IFT172: variants seen among roughly 807,000 people sequenced by gnomAD.
IFT172 encodes intraflagellar transport protein 172 homolog.
A neutral mutation model predicts 248.9 loss-of-function variants in IFT172; 164 were observed. The ratio of observed to expected loss-of-function variants is 0.66; its 90% CI spans 0.58 to 0.75. The LOEUF (loss-of-function observed/expected upper bound fraction) is 0.75, where lower values mean the gene tolerates loss of function less well. Ranked by LOEUF, IFT172 falls within the 30% of genes least tolerant of loss-of-function variation. The probability of loss-of-function intolerance (pLI) is 0.00; values close to 1 mark genes in which losing one functional copy is unlikely to be tolerated. For synonymous variants in IFT172, 729 were observed against 791.6 expected, an observed-to-expected ratio of 0.92 and a Z score of 1.33; for missense variants, 1,950 against 2,192.4, an observed-to-expected ratio of 0.89 and a Z score of 2.21.
At chr2:27,488,508 G>A (rs1396494196) in intron 1 of IFT172, among the ~76,000 whole-genome samples, 2 of 152,070 alleles carry the variant, frequency 1.3e-5, no homozygotes, top group Non-Finnish European at 2.9e-5. Context: ...CTCCCACCTT[G>A]GCCTCCCAAA....
At chr2:27,476,594 T>C (rs752135995) in intron 14 of IFT172, 47 bp downstream of exon 14, 2 of 1,163,678 alleles carry the variant, frequency 1.7e-6, no homozygotes, top group Non-Finnish European at 2.6e-6. Context: ...GGAAGTGTGA[T>C]ATAAACATCT....
At chr2:27,468,693 C>T (rs1667309253) in intron 16 of IFT172, among the ~76,000 whole-genome samples, 1 of 151,216 alleles carries the variant, frequency 6.6e-6, no homozygotes, top group Admixed American at 6.6e-5. Context: ...ATTAAAAATA[C>T]AAAAAATTAG....
At chr2:27,451,305 T>C (rs749202137) in intron 35 of IFT172, among the ~76,000 whole-genome samples, 5 of 152,216 alleles carry the variant, frequency 3.3e-5, no homozygotes, top group Non-Finnish European at 7.3e-5. Context: ...AGGAAGCCAT[T>C]TTCTGACTAA....
rs771351250 is a variant in IFT172 at position 27,461,260 on chromosome 2, C to T, written c.2442+9G>A. On this transcript the variant is annotated intron_variant, in intron 22 of 47. Coordinates refer to ENST00000260570, the MANE Select transcript of IFT172 (RefSeq NM_015662.3). The stretch of plus-strand genomic sequence containing the variant: ...GGAGATAAGGGCTAGGAAAAGGAAG[C>T]CAGCATACCCTTTCGTAGAGTTCCC... The T allele has an allele frequency of 6.2e-7, 1 of 1,613,600 alleles. No individual in the cohort carries two copies.
chr2:27,484,360 G>A (rs1447085223), intron 3 of IFT172, 94 bp from the exon 4 acceptor site: 3 of 1,313,286 alleles, frequency 2.3e-6, no homozygotes, highest in African/African-American at 1.5e-5. Context: ...GGGAGGCCGA[G>A]GCGGGAGGAT....
rs775476765 is a variant in IFT172 at position 27,448,977 on chromosome 2, C to T, written c.4366G>A (p.Glu1456Lys). 2.5e-6 allele frequency: 4 copies of T among 1,612,740 alleles called. No homozygotes were observed. The African/African-American group carries it at 4.0e-5, about 16-fold the overall frequency. Residue 1456 changes from glutamate (E) to lysine (K), a missense_variant, in exon 40 of 48, where the codon GAG becomes AAG. Physicochemically the swap from Glu to Lys is moderately conservative, Grantham distance 56 (BLOSUM62 1). Around this residue, in one of 3 missense-constraint regions of IFT172, gnomAD observed 620 missense variants for 699.0 expected, o/e 0.89. Transcript: ENST00000260570. Reference protein sequence around the residue: ...VALYATHLIREGSSAQALALY... With the variant: ...VALYATHLIRKGSSAQALALY... The stretch of plus-strand genomic sequence containing the variant: ...GCCAATGCCTGGGCAGAGCTACCCT[C>T]CCGGATCAAGTGAGTTGCATACAAA...
chr2:27,456,431 CA>C, intron 30 of IFT172, 79 bp downstream of exon 30: 1 of 1,516,296 alleles, frequency 6.6e-7, no homozygotes. Context: ...ATCTTTCTTT[CA>C]GTTATACATC....
Position 27,451,624 on chromosome 2 carries a change from G to A in IFT172, c.3952-1528C>T, listed in dbSNP as rs1024489492. Among the ~76,000 whole-genome samples the A allele has an allele frequency of 3.3e-5, 5 of 152,092 alleles. No individual in the cohort carries two copies. The East Asian group carries it at 5.8e-4, about 18-fold the overall frequency. ...TAAAAAAATACAAAAAAATTAGCCC[G>A]GCATGATGGTGGGCACCTGTAGTCC... is the stretch of plus-strand genomic sequence containing the variant. On this transcript the variant is annotated intron_variant, in intron 35 of 47. Transcript: ENST00000260570.
chr2:27,468,159 C>CA (rs11284567), intron 16 of IFT172, among the ~76,000 whole-genome samples: 11,041 of 122,750 alleles, frequency 0.09, 532 homozygotes, highest in African/African-American at 0.16. Flanking sequence ...GACTCTGTCT[C>CA]AAAAAAAAAA....
chr2:27,447,973 A>T (rs1220243326), intron 40 of IFT172, 51 bp from the exon 41 acceptor site: 2 of 1,119,090 alleles, frequency 1.8e-6, no homozygotes, highest in African/African-American at 3.1e-5. Flanking sequence ...CTAGAAGAGA[A>T]AGTCACTGGA....
chr2:27,451,436 C>T (rs898051548), intron 35 of IFT172, among the ~76,000 whole-genome samples: 2 of 152,184 alleles, frequency 1.3e-5, no homozygotes, highest in Non-Finnish European at 2.9e-5. Flanking sequence ...CTTTCTACTT[C>T]TCTCCCTCTA....
Position 27,454,663 on chromosome 2 carries a change from G to A in IFT172, c.3372-3C>T, listed in dbSNP as rs150011917. On this transcript the variant is annotated splice_region_variant and splice_polypyrimidine_tract_variant and intron_variant, in intron 30 of 47. Transcript: ENST00000260570. The surrounding 1 kb of genome is among the most constrained non-coding windows in gnomAD (Gnocchi z 4.2). ...GTTCAAACGCAAATTCAAAGGAGCT[G>A]AAACAGAAAGTGCAGATAAAGTTTT... is the stretch of plus-strand genomic sequence containing the variant. The A allele has an allele frequency of 6.2e-6, 10 of 1,613,844 alleles. No homozygotes were observed. In the African/African-American group the frequency reaches 1.3e-4, roughly 22 times the overall value.
chr2:27,456,625 G>A lies in IFT172; in HGVS notation c.3257C>T (p.Ala1086Val), dbSNP rs1248268202. The A allele has an allele frequency of 6.2e-7, 1 of 1,613,914 alleles. No homozygotes were observed. Among genetic ancestry groups the A allele is most frequent in the Non-Finnish European group, 8.5e-7 (1 of 1,179,962 alleles). Residue 1086 changes from alanine to valine, a missense_variant, in exon 30 of 48, where the codon GCC (alanine) becomes GTC (valine). This residue lies in a region of IFT172 where 164 missense variants were observed against 239.3 expected (regional missense o/e 0.69). Coordinates refer to ENST00000260570, the MANE Select transcript of IFT172 (RefSeq NM_015662.3). ...RVARTQGGAN[A>V]HKHVAYLWAK... ...CCACAGATAGGCCACGTGTTTGTGGGCATTAGCCCCTCCTTGAGTTCTGGC... is the reference window on the plus strand; with the variant it reads ...CCACAGATAGGCCACGTGTTTGTGGACATTAGCCCCTCCTTGAGTTCTGGC...
Position 27,479,388 on chromosome 2 carries a change from A to C in IFT172, c.1005+121T>G. 1.2e-5 allele frequency: 8 copies of C among 681,074 alleles called. No individual in the cohort carries two copies. The South Asian group carries it at 1.3e-4, about 11-fold the overall frequency. 42.2% of individuals were successfully genotyped at this position (681,074 alleles called of 1,614,324 possible). ...CCTGACATATTCTGTTGCCCAGAACAGCTCTTCCAGAGGGATGAAGATTAA... is the reference window on the plus strand; with the variant it reads ...CCTGACATATTCTGTTGCCCAGAACCGCTCTTCCAGAGGGATGAAGATTAA... On this transcript the variant is annotated intron_variant, in intron 10 of 47. Transcript: ENST00000260570.
rs1455837031 is a variant in IFT172, at chr2:27,448,956, A to G, written c.4387T>C (p.Leu1463=). 5 of 1,610,582 alleles carry G rather than the reference A, an allele frequency of 3.1e-6. No individual in the cohort carries two copies. Among genetic ancestry groups the G allele is most frequent in the Non-Finnish European group, 3.4e-6 (4 of 1,176,718 alleles). Residue 1463 remains leucine (L), a synonymous_variant, in exon 40 of 48, where the codon TTG becomes CTG. Transcript: ENST00000260570. ...LIREGSSAQA[L]ALYVQHGAPA... ...GCTCCGTGCTGTACATACAGGGCCA[A>G]TGCCTGGGCAGAGCTACCCTCCCGG...
chr2:27,486,983 C>G (rs1668811407), intron 1 of IFT172, among the ~76,000 whole-genome samples: 1 of 151,944 alleles, frequency 6.6e-6, no homozygotes, highest in African/African-American at 2.4e-5. Flanking sequence ...CACTCTGTCC[C>G]CCAGACTGGA....
At chr2:27,467,418 GAA>G (rs34115935) in intron 16 of IFT172, among the ~76,000 whole-genome samples, 52 of 16,418 alleles carry the variant, frequency 3.2e-3, no homozygotes, top group African/African-American at 6.0e-3. Flanking sequence ...ACAGAAAATT[GAA>G]AAAAAAAAAA....
chr2:27,475,132 T>C (rs992177131), intron 14 of IFT172, among the ~76,000 whole-genome samples: 1 of 152,238 alleles, frequency 6.6e-6, no homozygotes, highest in African/African-American at 2.4e-5. Context: ...GAAATTAATA[T>C]GAGATCTAAT....
Position 27,445,532 on chromosome 2 carries a change from C to G in IFT172, c.4915-83G>C. 1 of 1,468,062 alleles carries G rather than the reference C, an allele frequency of 6.8e-7. No homozygotes were observed. The highest frequency in any genetic ancestry group is 9.2e-7 in the Non-Finnish European group (1 of 1,081,874). The allele number at this position is 1,468,062 out of a possible 1,614,324, so 90.9% of individuals were successfully genotyped here. ...GGTGGATGGGTGAGGAGGGGGTTTG[C>G]TAAGCCCTCATCCTGTATACCAGCT... On this transcript the variant is annotated intron_variant, in intron 45 of 47. Transcript: ENST00000260570. This position sits in a 1 kb window ranked among gnomAD's most constrained non-coding sequence, Gnocchi z 4.4.
Sources: gnomAD v4.1 joint callset for allele counts (sites outside exome capture counted in the v4.1 genomes callset) on GRCh38, gnomAD v4.1.1 for gene constraint, gnomAD v4.1.1 regional missense constraint, Gnocchi (gnomAD v3.1) non-coding constraint, MANE v1.5 for transcripts, NCBI Gene and HGNC (gene_info 2026-07-23, HGNC 2026-07-21) for gene names.